The following SNX29 variants were observed in gnomAD, a reference collection of about 807,000 sequenced individuals.
The protein encoded by SNX29 is sorting nexin-29.
Under a neutral mutation model 102.1 loss-of-function variants are expected in SNX29, and 78 were observed. That is an observed-to-expected ratio of 0.76 (90% CI 0.64 to 0.92). The LOEUF (loss-of-function observed/expected upper bound fraction) is 0.92, where lower values mean the gene tolerates loss of function less well. Ranked by LOEUF, SNX29 falls within the 40% of genes least tolerant of loss-of-function variation. The pLI is 0.00. For synonymous variants in SNX29, 580 were observed against 414.5 expected (o/e 1.40, Z -4.85); for missense variants, 1,280 against 1,061.7 (o/e 1.21, Z -2.86).
At chr16:12,502,305 G>A (rs551652235) in intron 19 of SNX29, among the ~76,000 whole-genome samples, 10 of 152,242 alleles carry the variant, frequency 6.6e-5, no homozygotes, top group East Asian at 1.9e-4. Flanking sequence ...ATGTCACCTC[G>A]CTGTGCCTCA....
intron 8 of SNX29, among the ~76,000 whole-genome samples, chr16:12,056,419 A>G (rs546572944): frequency 1.3e-5 from 2 of 152,176 alleles, no homozygotes; most frequent in South Asian, 4.1e-4. Flanking sequence ...TGACCCTTCC[A>G]CAGAGCAGCC....
chr16:12,255,002 C>T (rs1019871300), intron 14 of SNX29, among the ~76,000 whole-genome samples: 2 of 152,162 alleles, frequency 1.3e-5, no homozygotes, highest in African/African-American at 2.4e-5. Flanking sequence ...GGAATTGTTT[C>T]TTCCCATCAG....
chr16:12,457,272 C>T (rs971632831), intron 18 of SNX29, among the ~76,000 whole-genome samples: 1 of 152,198 alleles, frequency 6.6e-6, no homozygotes. Flanking sequence ...TCTATAGATG[C>T]TAAAACTGAT....
intron 1 of SNX29, among the ~76,000 whole-genome samples, chr16:11,992,287 C>T (rs2055883208): frequency 6.6e-6 from 1 of 151,938 alleles, no homozygotes; most frequent in African/African-American, 2.4e-5. Context: ...GAGCCAGACT[C>T]CATCTCTTAA....
intron 13 of SNX29, among the ~76,000 whole-genome samples, chr16:12,178,391 A>G (rs937523267): frequency 6.6e-6 from 1 of 152,130 alleles, no homozygotes; most frequent in Non-Finnish European, 1.5e-5. Context: ...TTGGAGTGTG[A>G]TGCTGGAGAC....
At chr16:11,989,833 G>A (rs1326152690) in intron 1 of SNX29, among the ~76,000 whole-genome samples, 2 of 152,338 alleles carry the variant, frequency 1.3e-5, no homozygotes, top group Admixed American at 1.3e-4. Context: ...GTGTCCCTTG[G>A]GGGACCCTCT....
chr16:12,285,412 C>T (rs77896599), intron 15 of SNX29, among the ~76,000 whole-genome samples: 3 of 152,250 alleles, frequency 2.0e-5, no homozygotes, highest in East Asian at 3.9e-4. Flanking sequence ...AGACACTTAT[C>T]GTTTACTGTC....
chr16:12,426,064 T>A, intron 18 of SNX29, among the ~76,000 whole-genome samples: 1 of 151,932 alleles, frequency 6.6e-6, no homozygotes, highest in African/African-American at 2.4e-5. Flanking sequence ...AAAAAAAATA[T>A]TTGGTTTTTT....
At chr16:12,466,038 A>T (rs901674922) in intron 18 of SNX29, among the ~76,000 whole-genome samples, 1 of 152,232 alleles carries the variant, frequency 6.6e-6, no homozygotes, top group Non-Finnish European at 1.5e-5. Flanking sequence ...AGCTAACATC[A>T]TACTCAACAG....
At chr16:12,294,183 C>T (rs2079899690) in intron 15 of SNX29, among the ~76,000 whole-genome samples, 1 of 152,248 alleles carries the variant, frequency 6.6e-6, no homozygotes, top group African/African-American at 2.4e-5. Context: ...CCTCAGATGT[C>T]TGCGTCTATG....
intron 13 of SNX29, among the ~76,000 whole-genome samples, chr16:12,193,397 A>C (rs563570618): frequency 4.3e-4 from 65 of 151,178 alleles, no homozygotes; most frequent in Admixed American, 7.9e-4. Flanking sequence ...TGAAGCCAGG[A>C]GGTGAAGGTT....
At chr16:12,089,944 C>G (rs894315102) in intron 11 of SNX29, 7 of 263,178 alleles carry the variant, frequency 2.7e-5, no homozygotes, top group African/African-American at 4.6e-5. Context: ...GCCATACTCT[C>G]AGGCTGCTGA....
chr16:12,223,961 A>T (rs1308004508), intron 14 of SNX29, among the ~76,000 whole-genome samples: 1 of 152,172 alleles, frequency 6.6e-6, no homozygotes, highest in African/African-American at 2.4e-5. Context: ...TCAGCAGCTC[A>T]TTGAAGCCCA....
intron 15 of SNX29, among the ~76,000 whole-genome samples, chr16:12,347,920 A>G (rs2081865554): frequency 6.6e-6 from 1 of 151,438 alleles, no homozygotes; most frequent in South Asian, 2.1e-4. Context: ...TTTACAAAAA[A>G]AAAAAAAAAA....
chr16:12,027,067 T>A (rs537318100), intron 3 of SNX29, among the ~76,000 whole-genome samples: 1 of 152,282 alleles, frequency 6.6e-6, no homozygotes, highest in African/African-American at 2.4e-5. Flanking sequence ...TCCTTGTGAA[T>A]TGTTACTGTG....
At chr16:12,020,334 C>A (rs1405115197) in intron 3 of SNX29, among the ~76,000 whole-genome samples, 2 of 151,872 alleles carry the variant, frequency 1.3e-5, no homozygotes, top group Non-Finnish European at 2.9e-5. Context: ...GCCACTGTGC[C>A]TGTAATCTTA....
intron 20 of SNX29, among the ~76,000 whole-genome samples, chr16:12,565,075 G>C (rs957445946): frequency 1.3e-5 from 2 of 152,136 alleles, no homozygotes; most frequent in African/African-American, 4.8e-5. Flanking sequence ...GGGCCCAGTG[G>C]GGACACATGG....
chr16:12,262,693 G>C (rs1185599903), intron 14 of SNX29, among the ~76,000 whole-genome samples: 12 of 152,206 alleles, frequency 7.9e-5, no homozygotes, highest in Admixed American at 6.5e-5. Context: ...AAGGAGACCA[G>C]GGCAGTGATG....
intron 13 of SNX29, among the ~76,000 whole-genome samples, chr16:12,196,143 T>C (rs1456531435): frequency 6.6e-6 from 1 of 152,006 alleles, no homozygotes; most frequent in Non-Finnish European, 1.5e-5. Flanking sequence ...ACCCAGCTAA[T>C]CTTTGCATTT....
Sources: allele counts gnomAD v4.1 joint callset (sites outside exome capture counted in the v4.1 genomes callset), GRCh38; gene constraint gnomAD v4.1.1; transcripts MANE v1.5; gene names NCBI Gene and HGNC (gene_info 2026-07-23, HGNC 2026-07-21).